PDIA3: variants seen among roughly 807,000 people sequenced by gnomAD.
The protein encoded by PDIA3 is protein disulfide isomerase family A member 3, also known as protein disulfide-isomerase A3.
Under a neutral mutation model 56.9 loss-of-function variants are expected in PDIA3, and 16 were observed. That is an observed-to-expected ratio of 0.28 (90% CI 0.19 to 0.43). The LOEUF (loss-of-function observed/expected upper bound fraction) is 0.43. Among genes scored for constraint, PDIA3 ranks in the 20% least tolerant of loss-of-function variants. The pLI is 1.00. For missense variants in PDIA3, 485 were observed against 621.3 expected, an observed-to-expected ratio of 0.78 and a Z score of 2.33; for synonymous variants, 192 against 216.5, an observed-to-expected ratio of 0.89 and a Z score of 0.99.
Position 43,771,387 on chromosome 15 carries a change from T to C in PDIA3, c.*169T>C. The C allele has an allele frequency of 2.2e-6, 1 of 463,864 alleles. No individual in the cohort carries two copies. Among genetic ancestry groups the C allele is most frequent in the East Asian group, 3.2e-5 (1 of 30,786 alleles). 28.7% of individuals were successfully genotyped at this position (463,864 alleles called of 1,614,324 possible). A position where few individuals can be genotyped will look rare whatever the true frequency, so the allele number is the denominator to read the frequency against. Reference sequence around the variant, plus strand: ...TCTCTAAACTGTTTCTTAGCTGCACTGTTTATGGAAATACCAGGACCAGTT... The same window carrying C: ...TCTCTAAACTGTTTCTTAGCTGCACCGTTTATGGAAATACCAGGACCAGTT... On this transcript the variant is annotated 3_prime_UTR_variant, in exon 13 of 13. Transcript: ENST00000300289.
chr15:43,771,082 T>C (rs1272209477), intron 12 of PDIA3, 23 bp from the exon 13 acceptor site: 1 of 1,532,130 alleles, frequency 6.5e-7, no homozygotes, highest in Non-Finnish European at 9.0e-7. Flanking sequence ...GTTACACTTT[T>C]AAGCTGATCT....
At chr15:43,764,785 G>T (rs958352386) in intron 5 of PDIA3, among the ~76,000 whole-genome samples, 2 of 152,086 alleles carry the variant, frequency 1.3e-5, no homozygotes, top group Non-Finnish European at 2.9e-5. Context: ...GTTTCTAAAG[G>T]TTTGAAAATC....
In PDIA3 at chr15:43,773,180, T is replaced by C; in HGVS notation, c.*1962T>C. 6.2e-7 allele frequency: 1 copy of C among 1,613,988 alleles called. No individual in the cohort carries two copies. The highest frequency in any genetic ancestry group is 8.5e-7 in the Non-Finnish European group (1 of 1,179,982). On this transcript the variant is annotated 3_prime_UTR_variant, in exon 13 of 13. Coordinates refer to ENST00000300289, the MANE Select transcript of PDIA3 (RefSeq NM_005313.5). ...ACCTTTAATGTGGGACAATTTCTGG[T>C]GAAGGTACTCACAGCGACGCTTTTC...
chr15:43,751,848 C>T, intron 1 of PDIA3: 1 of 860,288 alleles, frequency 1.2e-6, no homozygotes, highest in East Asian at 6.4e-5. Context: ...GACCTAGTAA[C>T]TATTGTATGT....
chr15:43,765,590 C>G (rs2086842971), intron 6 of PDIA3, 24 bp downstream of exon 6: 2 of 1,345,824 alleles, frequency 1.5e-6, no homozygotes, highest in Non-Finnish European at 1.1e-6. Flanking sequence ...TGTATCTTGT[C>G]TGGGATTTAT....
intron 12 of PDIA3, 112 bp downstream of exon 12, chr15:43,770,692 G>A (rs777776368): frequency 1.3e-6 from 1 of 777,606 alleles, no homozygotes; most frequent in Non-Finnish European, 2.1e-6. Flanking sequence ...TTTTGAGACG[G>A]AGTTTCGCTC....
intron 3 of PDIA3, among the ~76,000 whole-genome samples, chr15:43,757,735 G>A (rs2086788628): frequency 6.6e-6 from 1 of 151,978 alleles, no homozygotes; most frequent in Admixed American, 6.6e-5. Flanking sequence ...GGTGGCACAT[G>A]CCTGTAATCC....
At chr15:43,769,130 TGA>T (rs2086866223) in intron 9 of PDIA3, among the ~76,000 whole-genome samples, 4 of 152,262 alleles carry the variant, frequency 2.6e-5, no homozygotes, top group African/African-American at 9.6e-5. Context: ...AAGTTACTCT[TGA>T]GGATAGAGCA....
intron 1 of PDIA3, chr15:43,747,003 A>T (rs564571066): frequency 2.1e-6 from 1 of 473,930 alleles, no homozygotes; most frequent in Non-Finnish European, 3.8e-6. Context: ...CCCCAGTCCA[A>T]TATGTAGCTA....
chr15:43,747,043 C>G, intron 1 of PDIA3: 1 of 303,116 alleles, frequency 3.3e-6, no homozygotes, highest in Non-Finnish European at 6.3e-6. Context: ...AGTATTAATG[C>G]TCCTCCAGTC....
intron 8 of PDIA3, 102 bp from the exon 9 acceptor site, chr15:43,768,387 C>T: frequency 2.5e-6 from 2 of 791,214 alleles, no homozygotes; most frequent in Non-Finnish European, 4.2e-6. Flanking sequence ...CTTTTTTAGC[C>T]TTGAAAAGCT....
At chr15:43,768,028 CT>C (rs554086889) in intron 8 of PDIA3, among the ~76,000 whole-genome samples, 28 of 152,132 alleles carry the variant, frequency 1.8e-4, no homozygotes, top group Middle Eastern at 3.2e-3. Context: ...ATTCCCCCCC[CT>C]CATCCCTACA....
At chr15:43,754,712 TAA>T (rs575346705) in intron 2 of PDIA3, among the ~76,000 whole-genome samples, 61 of 138,168 alleles carry the variant, frequency 4.4e-4, no homozygotes, top group East Asian at 1.7e-3. Flanking sequence ...CCCTGTCTCT[TAA>T]AAAAAAAAAA....
chr15:43,749,163 G>T (rs748200578), intron 1 of PDIA3, among the ~76,000 whole-genome samples: 3 of 151,398 alleles, frequency 2.0e-5, no homozygotes, highest in Non-Finnish European at 4.4e-5. Flanking sequence ...GCATGGTCTG[G>T]GCTCACTGCA....
chr15:43,751,766 A>G (rs1381738484), intron 1 of PDIA3: 1 of 1,293,704 alleles, frequency 7.7e-7, no homozygotes, highest in Middle Eastern at 2.1e-4. Context: ...TCAGTAAGCC[A>G]TGCATACTTT....
chr15:43,758,210 C>T (rs1234819048), intron 3 of PDIA3, among the ~76,000 whole-genome samples: 2 of 152,080 alleles, frequency 1.3e-5, no homozygotes, highest in Non-Finnish European at 2.9e-5. Flanking sequence ...GTACTCCAGC[C>T]TGGGCAACAA....
At chr15:43,750,808 A>G (rs2086738906) in intron 1 of PDIA3, among the ~76,000 whole-genome samples, 1 of 151,350 alleles carries the variant, frequency 6.6e-6, no homozygotes, top group Non-Finnish European at 1.5e-5. Context: ...TATTTATGCT[A>G]TAGATGTGTA....
chr15:43,756,789 T>A, intron 3 of PDIA3, 23 bp downstream of exon 3: 6 of 1,193,194 alleles, frequency 5.0e-6, no homozygotes, highest in Non-Finnish European at 7.5e-6. Context: ...AATTACATTC[T>A]GGAAACTGAT....
intron 3 of PDIA3, among the ~76,000 whole-genome samples, chr15:43,760,396 A>C (rs1255885877): frequency 1.1e-5 from 1 of 92,980 alleles, no homozygotes; most frequent in Non-Finnish European, 3.1e-5. Context: ...GTCTCAAAAA[A>C]AAAATAAAGA....
Sources: gnomAD v4.1 joint callset for allele counts (sites outside exome capture counted in the v4.1 genomes callset) on GRCh38, gnomAD v4.1.1 for gene constraint, MANE v1.5 for transcripts, NCBI Gene and HGNC (gene_info 2026-07-23, HGNC 2026-07-21) for gene names.